Variants in KPNA3 observed in about 807,000 individuals in gnomAD.
KPNA3 encodes the protein karyopherin subunit alpha 3, also known as importin subunit alpha-4.
A neutral mutation model predicts 73.8 loss-of-function variants in KPNA3; 13 were observed. The ratio of observed to expected loss-of-function variants is 0.18; its 90% CI spans 0.11 to 0.28. The LOEUF (loss-of-function observed/expected upper bound fraction) is 0.28, where lower values mean the gene tolerates loss of function less well. Ranked by LOEUF, KPNA3 falls within the 10% of genes least tolerant of loss-of-function variation. The probability of loss-of-function intolerance (pLI) is 1.00; values close to 1 mark genes in which losing one functional copy is unlikely to be tolerated. For missense variants in KPNA3, 360 were observed against 618.1 expected (o/e 0.58, Z 4.43); for synonymous variants, 186 against 206.9 (o/e 0.90, Z 0.87).
chr13:49,739,763 G>T (rs1041128473), intron 2 of KPNA3, among the ~76,000 whole-genome samples: 1 of 152,108 alleles, frequency 6.6e-6, no homozygotes, highest in Non-Finnish European at 1.5e-5. Flanking sequence ...AACAAAAAAA[G>T]GTGGGGAGGT....
At chr13:49,715,289 A>G (rs894381727) in intron 10 of KPNA3, among the ~76,000 whole-genome samples, 8 of 152,208 alleles carry the variant, frequency 5.3e-5, no homozygotes, top group African/African-American at 1.9e-4. Flanking sequence ...TCCTTAATAT[A>G]TAAAGAACTC....
At chr13:49,771,624 T>G (rs1954856390) in intron 1 of KPNA3, among the ~76,000 whole-genome samples, 1 of 151,978 alleles carries the variant, frequency 6.6e-6, no homozygotes, top group Non-Finnish European at 1.5e-5. Flanking sequence ...CTTTTTAAAT[T>G]TTTGATTTTA....
rs375053482 is a variant in KPNA3, at chr13:49,703,290, C to T, written c.1373-810G>A. On this transcript the variant is annotated intron_variant, in intron 15 of 16. Coordinates refer to ENST00000261667, the MANE Select transcript of KPNA3 (RefSeq NM_002267.4). ...CTCCACCTCCTGGGTTCAAGTGTCT[C>T]CTGCCTCAGCCTCCCAAGTAGCTGG... Among the ~76,000 whole-genome samples, 4 of 150,620 alleles carry T rather than the reference C, an allele frequency of 2.7e-5. No homozygotes were observed. In the South Asian group the frequency reaches 8.4e-4, roughly 32 times the overall value.
rs571600228 is a variant in KPNA3 at position 49,791,318 on chromosome 13, G to A, written c.69+1120C>T. On this transcript the variant is annotated intron_variant, in intron 1 of 16. Coordinates refer to ENST00000261667, the MANE Select transcript of KPNA3 (RefSeq NM_002267.4). ...TCGCCTAGTATTAGCAAAGAAGGCT[G>A]CGGCCTTAAAACCATTTTCCCCCTA... Among the ~76,000 whole-genome samples, 89 of 152,306 alleles carry A rather than the reference G, an allele frequency of 5.8e-4. 5 individuals are homozygous for A. In the South Asian group the frequency reaches 0.014, roughly 24 times the overall value.
intron 2 of KPNA3, among the ~76,000 whole-genome samples, chr13:49,742,033 G>A (rs1954578978): frequency 6.6e-6 from 1 of 152,074 alleles, no homozygotes; most frequent in East Asian, 1.9e-4. Flanking sequence ...CACATCTTAT[G>A]TTTGCATTTT....
intron 10 of KPNA3, among the ~76,000 whole-genome samples, chr13:49,713,133 G>C (rs766562543): frequency 4.6e-5 from 7 of 152,052 alleles, no homozygotes; most frequent in Non-Finnish European, 7.4e-5. Context: ...AGCTGAGGTT[G>C]TAACCCTGTT....
At chr13:49,710,780 AG>A in intron 11 of KPNA3, 110 bp downstream of exon 11, 1 of 958,082 alleles carries the variant, frequency 1.0e-6, no homozygotes, top group South Asian at 1.6e-5. Context: ...GACTAGCAGA[AG>A]AAATGTGGAA....
In KPNA3 at chr13:49,703,153, C is replaced by T. The variant is rs768946947; in HGVS notation, c.1373-673G>A. ...AAAGTGCTGGGATTACAGGCGTGAG[C>T]CACTGCGCCTGGGCATTTTTTCTTT... On this transcript the variant is annotated intron_variant, in intron 15 of 16. Transcript: ENST00000261667. 2.0e-5 allele frequency among the ~76,000 whole-genome samples: 3 copies of T among 150,942 alleles called. No homozygotes were observed. The East Asian group carries it at 5.8e-4, about 29-fold the overall frequency.
intron 12 of KPNA3, among the ~76,000 whole-genome samples, chr13:49,709,082 C>T (rs1294142524): frequency 6.6e-6 from 1 of 152,018 alleles, no homozygotes; most frequent in Non-Finnish European, 1.5e-5. Context: ...CTGTGATGAC[C>T]AGGGCAGCAC....
intron 2 of KPNA3, among the ~76,000 whole-genome samples, chr13:49,734,914 TAC>T (rs1555305283): frequency 7.1e-6 from 1 of 139,936 alleles, no homozygotes; most frequent in Non-Finnish European, 1.6e-5. Flanking sequence ...TATATATATA[TAC>T]ACACACATAT....
At chr13:49,775,895 T>C (rs757659788) in intron 1 of KPNA3, among the ~76,000 whole-genome samples, 27 of 152,288 alleles carry the variant, frequency 1.8e-4, no homozygotes, top group Middle Eastern at 3.4e-3. Flanking sequence ...CAATAGCCCA[T>C]GTACTTTCTC....
At chr13:49,705,231 C>T (rs564058007) in intron 15 of KPNA3, among the ~76,000 whole-genome samples, 43 of 151,988 alleles carry the variant, frequency 2.8e-4, no homozygotes, top group African/African-American at 1.0e-3. Flanking sequence ...TGGTGGTGTG[C>T]GCCTGTAATC....
At chr13:49,780,209 C>T (rs1954930042) in intron 1 of KPNA3, among the ~76,000 whole-genome samples, 1 of 152,080 alleles carries the variant, frequency 6.6e-6, no homozygotes, top group Non-Finnish European at 1.5e-5. Context: ...ATAAATAAAG[C>T]TTTATTAGAA....
At position 49,752,695 on chromosome 13, in the gene KPNA3, A is replaced by C. The variant is rs117832366; in HGVS notation, c.70-5702T>G. Among the ~76,000 whole-genome samples, 163 of 152,264 alleles carry C rather than the reference A, an allele frequency of 1.1e-3. 2 individuals carry two copies. The East Asian group carries it at 0.027, about 25-fold the overall frequency. The stretch of plus-strand genomic sequence containing the variant: ...ACAGATAATGCTTAAGAGAAACAGA[A>C]TATGTAAAGAAAAAAACTGTAATCA... On this transcript the variant is annotated intron_variant, in intron 1 of 16. Transcript: ENST00000261667.
intron 1 of KPNA3, among the ~76,000 whole-genome samples, chr13:49,755,538 T>C (rs139922632): frequency 6.6e-5 from 10 of 152,352 alleles, no homozygotes; most frequent in African/African-American, 2.2e-4. Context: ...GGCTCACTCC[T>C]GTAATCCCAG....
Position 49,732,298 on chromosome 13 carries a change from C to T in KPNA3, c.383+73G>A, listed in dbSNP as rs374965923. The stretch of plus-strand genomic sequence containing the variant: ...CATAAGTACAAAACCAAACTGAACT[C>T]ACTGGTTAAGTAATAATCCAAACTT... On this transcript the variant is annotated intron_variant, in intron 6 of 16. Transcript: ENST00000261667. 5.7e-4 allele frequency: 371 copies of T among 654,412 alleles called. 7 individuals are homozygous for T. The South Asian group carries it at 8.1e-3, about 14-fold the overall frequency. The allele number at this position is 654,412 out of a possible 1,614,324, so 40.5% of individuals were successfully genotyped here.
At chr13:49,755,073 AAAG>A (rs1240144497) in intron 1 of KPNA3, among the ~76,000 whole-genome samples, 1 of 152,080 alleles carries the variant, frequency 6.6e-6, no homozygotes, top group Admixed American at 6.5e-5. Flanking sequence ...ATTAAAAAAA[AAAG>A]AAGAAAAAGA....
At chr13:49,734,336 T>C (rs1334137581) in intron 2 of KPNA3, among the ~76,000 whole-genome samples, 2 of 152,262 alleles carry the variant, frequency 1.3e-5, no homozygotes, top group East Asian at 3.8e-4. Context: ...AACTGTCTTA[T>C]TCAGTGATTT....
At chr13:49,715,503 ACT>A (rs1165236395) in intron 10 of KPNA3, among the ~76,000 whole-genome samples, 2 of 152,196 alleles carry the variant, frequency 1.3e-5, no homozygotes, top group African/African-American at 2.4e-5. Flanking sequence ...GTGACAACAC[ACT>A]CTATTGGCAA....
Sources: allele counts gnomAD v4.1 joint callset (sites outside exome capture counted in the v4.1 genomes callset), GRCh38; gene constraint gnomAD v4.1.1; transcripts MANE v1.5; gene names NCBI Gene and HGNC (gene_info 2026-07-23, HGNC 2026-07-21).